BMP5: variants seen among roughly 807,000 people sequenced by gnomAD.
BMP5 encodes the protein bone morphogenetic protein 5.
A neutral mutation model predicts 46.6 loss-of-function variants in BMP5; 23 were observed. The ratio of observed to expected loss-of-function variants is 0.49; its 90% CI spans 0.35 to 0.70. The LOEUF is 0.70. Among genes scored for constraint, BMP5 ranks in the 30% least tolerant of loss-of-function variants. The probability of loss-of-function intolerance (pLI) is 0.00; values close to 1 mark genes in which losing one functional copy is unlikely to be tolerated. For missense variants in BMP5, 545 were observed against 565.6 expected (o/e 0.96, Z 0.37); for synonymous variants, 204 against 191.9 (o/e 1.06, Z -0.52).
chr6:55,794,157 TA>T (rs1159412356), intron 3 of BMP5, 121 bp downstream of exon 3: 1 of 1,027,430 alleles, frequency 9.7e-7, no homozygotes, highest in Non-Finnish European at 1.4e-6. Flanking sequence ...CACTACCCTA[TA>T]GAATGCGTTG....
At chr6:55,763,573 T>C (rs1296691147) in intron 4 of BMP5, among the ~76,000 whole-genome samples, 1 of 152,168 alleles carries the variant, frequency 6.6e-6, no homozygotes, top group Non-Finnish European at 1.5e-5. Context: ...GGAAGTTAGA[T>C]TTATGTCTTT....
intron 1 of BMP5, among the ~76,000 whole-genome samples, chr6:55,862,777 A>T (rs1289724689): frequency 6.6e-6 from 1 of 152,134 alleles, no homozygotes; most frequent in African/African-American, 2.4e-5. Context: ...AGAGCTACAC[A>T]AGCAGGCTTC....
intron 6 of BMP5, among the ~76,000 whole-genome samples, 184 bp downstream of exon 6, chr6:55,758,821 A>C (rs1219238227): frequency 6.6e-6 from 1 of 151,806 alleles, no homozygotes; most frequent in African/African-American, 2.4e-5. Flanking sequence ...AACTGGGATT[A>C]CTCTAAACCA....
chr6:55,845,999 T>C (rs940845170), intron 1 of BMP5, among the ~76,000 whole-genome samples: 3 of 151,938 alleles, frequency 2.0e-5, no homozygotes, highest in African/African-American at 7.2e-5. Flanking sequence ...TGGAACTATG[T>C]AGAGACTTGG....
At chr6:55,867,449 A>T (rs754376421) in intron 1 of BMP5, among the ~76,000 whole-genome samples, 16 of 151,842 alleles carry the variant, frequency 1.1e-4, no homozygotes, top group Admixed American at 9.2e-4. Context: ...CATCATTTAA[A>T]CTCTCCTAAA....
intron 1 of BMP5, among the ~76,000 whole-genome samples, chr6:55,836,631 T>TAC (rs61358651): frequency 0.15 from 21,306 of 139,432 alleles, 1,498 homozygotes; most frequent in Middle Eastern, 0.18. Flanking sequence ...CATACATACA[T>TAC]ACACACACAC....
chr6:55,774,370 G>A (rs568443463), intron 3 of BMP5, 127 bp from the exon 4 acceptor site: 6 of 828,310 alleles, frequency 7.2e-6, no homozygotes, highest in Non-Finnish European at 1.2e-5. Context: ...CTTCCTTACA[G>A]GCCAAGATTC....
At chr6:55,848,641 G>A (rs1434949358) in intron 1 of BMP5, among the ~76,000 whole-genome samples, 1 of 151,858 alleles carries the variant, frequency 6.6e-6, no homozygotes, top group East Asian at 1.9e-4. Flanking sequence ...GCTGTGGTCC[G>A]TGGATGATCA....
chr6:55,791,035 T>C (rs1362321904), intron 3 of BMP5, among the ~76,000 whole-genome samples: 7 of 152,234 alleles, frequency 4.6e-5, no homozygotes. Context: ...TACAAATGAA[T>C]TTGAAAGCAG....
At chr6:55,839,359 G>C (rs1776896363) in intron 1 of BMP5, among the ~76,000 whole-genome samples, 1 of 151,702 alleles carries the variant, frequency 6.6e-6, no homozygotes, top group Non-Finnish European at 1.5e-5. Flanking sequence ...ATCTCACTCT[G>C]TCACCCAGGC....
chr6:55,762,898 CCGTAGACAATA>C (rs1398699683), intron 4 of BMP5, among the ~76,000 whole-genome samples: 1 of 151,962 alleles, frequency 6.6e-6, no homozygotes, highest in Admixed American at 6.6e-5. Flanking sequence ...ATAAAAGCAA[CCGTAGACAATA>C]CGTAAATGAA....
intron 1 of BMP5, among the ~76,000 whole-genome samples, chr6:55,849,163 C>G (rs1173857497): frequency 6.6e-6 from 1 of 152,084 alleles, no homozygotes; most frequent in East Asian, 1.9e-4. Flanking sequence ...GTGTTTCAGG[C>G]ACACTGCTGT....
rs112922691 is a variant in BMP5, at chr6:55,866,613, T to C, written c.490+7763A>G. On this transcript the variant is annotated intron_variant, in intron 1 of 6. Coordinates refer to ENST00000370830, the MANE Select transcript of BMP5 (RefSeq NM_021073.4). ...TCATTTTGCTCTACATACTTGCATATATTCTTCTCGTTCCCATACTGAATT... is the reference window on the plus strand; with the variant it reads ...TCATTTTGCTCTACATACTTGCATACATTCTTCTCGTTCCCATACTGAATT... Among the ~76,000 whole-genome samples, 736 of 152,262 alleles carry C rather than the reference T, an allele frequency of 4.8e-3. 3 individuals are homozygous for C. Among genetic ancestry groups the C allele is most frequent in the Middle Eastern group, 0.01 (3 of 294 alleles).
At chr6:55,850,662 C>T (rs1419974373) in intron 1 of BMP5, among the ~76,000 whole-genome samples, 2 of 152,122 alleles carry the variant, frequency 1.3e-5, no homozygotes, top group African/African-American at 2.4e-5. Context: ...CACAGTAATG[C>T]TTATTTGATA....
intron 1 of BMP5, among the ~76,000 whole-genome samples, chr6:55,841,279 AT>A (rs1009910751): frequency 6.6e-6 from 1 of 151,882 alleles, no homozygotes; most frequent in Non-Finnish European, 1.5e-5. Flanking sequence ...ATTTTCAGTT[AT>A]TTTTTTCTAC....
At chr6:55,816,283 T>G (rs1277763936) in intron 2 of BMP5, among the ~76,000 whole-genome samples, 2 of 152,006 alleles carry the variant, frequency 1.3e-5, no homozygotes, top group Non-Finnish European at 2.9e-5. Flanking sequence ...AGGATAAAAA[T>G]AAATAACTTA....
intron 1 of BMP5, among the ~76,000 whole-genome samples, chr6:55,873,189 T>G (rs528429769): frequency 6.6e-6 from 1 of 151,952 alleles, no homozygotes; most frequent in Non-Finnish European, 1.5e-5. Context: ...GTTATTAAGA[T>G]TTGTTGATAA....
At chr6:55,854,623 T>G (rs1041459028) in intron 1 of BMP5, among the ~76,000 whole-genome samples, 1 of 152,114 alleles carries the variant, frequency 6.6e-6, no homozygotes, top group South Asian at 2.1e-4. Context: ...AGGAGCAAGG[T>G]ATTGAAATGA....
At chr6:55,760,130 T>C (rs981337298) in intron 5 of BMP5, among the ~76,000 whole-genome samples, 1 of 151,976 alleles carries the variant, frequency 6.6e-6, no homozygotes. Context: ...GAGTTACTTA[T>C]ACTAATATGA....
Sources: allele counts gnomAD v4.1 joint callset (sites outside exome capture counted in the v4.1 genomes callset), GRCh38; gene constraint gnomAD v4.1.1; transcripts MANE v1.5; gene names NCBI Gene and HGNC (gene_info 2026-07-23, HGNC 2026-07-21).